The following SYNPO2 variants were observed in gnomAD, a reference collection of about 807,000 sequenced individuals.
SYNPO2 encodes synaptopodin 2.
In SYNPO2, 56 loss-of-function variants were observed where a neutral mutation model predicts 85.0. That is an observed-to-expected ratio of 0.66 (90% CI 0.53 to 0.82). SYNPO2 has a LOEUF of 0.82. Ranked by LOEUF, SYNPO2 falls within the 40% of genes least tolerant of loss-of-function variation. The probability of loss-of-function intolerance (pLI) is 0.00; values close to 1 mark genes in which losing one functional copy is unlikely to be tolerated. For synonymous variants in SYNPO2, 602 were observed against 591.1 expected, an observed-to-expected ratio of 1.02 and a Z score of -0.27; for missense variants, 1,575 against 1,534.2, an observed-to-expected ratio of 1.03 and a Z score of -0.44.
chr4:118,863,091 G>A (rs1055325362), intron 1 of SYNPO2, among the ~76,000 whole-genome samples: 3 of 152,220 alleles, frequency 2.0e-5, no homozygotes, highest in African/African-American at 7.2e-5. Flanking sequence ...TTATAGGCGT[G>A]AGCCCCTGCA....
upstream of SYNPO2, among the ~76,000 whole-genome samples, chr4:118,885,597 C>G (rs567100739): frequency 3.3e-5 from 5 of 151,944 alleles, no homozygotes; most frequent in Non-Finnish European, 7.4e-5. Flanking sequence ...CTCAGCCTCC[C>G]GAGTAGCTGG....
At chr4:118,938,031 G>A (rs921899527) in intron 1 of SYNPO2, among the ~76,000 whole-genome samples, 7 of 152,048 alleles carry the variant, frequency 4.6e-5, no homozygotes, top group African/African-American at 1.7e-4. Context: ...GGCCAGGCAC[G>A]GTGGCTCACA....
chr4:119,044,936 A>G (rs1291663563), intron 4 of SYNPO2, among the ~76,000 whole-genome samples: 2 of 152,198 alleles, frequency 1.3e-5, no homozygotes, highest in African/African-American at 4.8e-5. Context: ...CTCGCTTTGA[A>G]TTGTCAGAGA....
At chr4:118,861,713 G>A (rs28837152) in intron 1 of SYNPO2, among the ~76,000 whole-genome samples, 8,482 of 152,010 alleles carry the variant, frequency 0.056, 270 homozygotes, top group Non-Finnish European at 0.064. Flanking sequence ...GTCTATTTTT[G>A]TGCCAATACC....
intron 1 of SYNPO2, among the ~76,000 whole-genome samples, chr4:118,867,485 T>A (rs1465413445): frequency 6.6e-6 from 1 of 151,564 alleles, no homozygotes; most frequent in Non-Finnish European, 1.5e-5. Flanking sequence ...TTTTTTTCAG[T>A]CTTAGACTGC....
At chr4:118,905,428 TG>T (rs1732898765) in intron 1 of SYNPO2, among the ~76,000 whole-genome samples, 1 of 138,346 alleles carries the variant, frequency 7.2e-6, no homozygotes, top group Admixed American at 7.8e-5. Context: ...AAGTGGTACC[TG>T]ATGTGTGTGT....
chr4:118,880,984 T>C (rs995481453), intron 1 of SYNPO2, among the ~76,000 whole-genome samples: 1 of 151,804 alleles, frequency 6.6e-6, no homozygotes, highest in African/African-American at 2.4e-5. Context: ...TGGGCCCTAA[T>C]CCAATATGAC....
Position 119,057,799 on chromosome 4 carries a change from G to T in SYNPO2, c.3651G>T (p.Leu1217Phe). Residue 1217 changes from leucine (L) to phenylalanine (F), a missense_variant, in exon 5 of 5, where the codon TTG becomes TTT. Physicochemically the swap from Leu to Phe is conservative, Grantham distance 22. This residue lies in a region of SYNPO2 where 1,508 missense variants were observed against 1,446.8 expected (regional missense o/e 1.04). Coordinates refer to ENST00000307142, the MANE Select transcript of SYNPO2 (RefSeq NM_133477.3). ...CCACCTCCCAATATGGTTCACAGTT[G>T]CCATATGCATATTATAGGCAGGCTT... ...MSTTSQYGSQ[L>F]PYAYYRQASR... The T allele has an allele frequency of 6.2e-7, 1 of 1,614,006 alleles. No homozygotes were observed. The highest frequency in any genetic ancestry group is 8.5e-7 in the Non-Finnish European group (1 of 1,180,012).
rs561549383 is a variant in SYNPO2 at position 119,021,557 on chromosome 4, A to G, written c.106-1873A>G. 3.3e-5 allele frequency among the ~76,000 whole-genome samples: 5 copies of G among 152,322 alleles called. No homozygotes were observed. The South Asian group carries it at 1.0e-3, about 32-fold the overall frequency. The stretch of plus-strand genomic sequence containing the variant: ...TATGGTCATCATACATGGTTCATTG[A>G]GAACAATTGAACTCATAAAATGAAA... On this transcript the variant is annotated intron_variant, in intron 1 of 4. Transcript: ENST00000307142.
chr4:119,021,578 T>C (rs901409734), intron 1 of SYNPO2, among the ~76,000 whole-genome samples: 1 of 152,186 alleles, frequency 6.6e-6, no homozygotes, highest in Non-Finnish European at 1.5e-5. Flanking sequence ...ACTCATAAAA[T>C]GAAATCTAAG....
chr4:118,940,341 C>T (rs1378788347), intron 1 of SYNPO2, among the ~76,000 whole-genome samples: 1 of 152,060 alleles, frequency 6.6e-6, no homozygotes, highest in Non-Finnish European at 1.5e-5. Flanking sequence ...TGAGCATGTG[C>T]TCTTCTAGTT....
chr4:118,975,548 C>A (rs1193747221), intron 1 of SYNPO2, among the ~76,000 whole-genome samples: 2 of 152,150 alleles, frequency 1.3e-5, no homozygotes, highest in Admixed American at 1.3e-4. Context: ...AATTCAAGAG[C>A]AGGACTTTCA....
At position 119,030,539 on chromosome 4, in the gene SYNPO2, G is replaced by C; in HGVS notation, c.1764G>C (p.Thr588=). The change falls in exon 4 of 5, where the codon ACG becomes ACC. Residue 588 remains threonine, a synonymous_variant. Coordinates refer to ENST00000307142, the MANE Select transcript of SYNPO2 (RefSeq NM_133477.3). ...AGAGGATGGTCCCCATGAATAGAAC[G>C]GCCAAACCCTTCCCAGGGTCTGTGA... The part of the protein sequence containing the change: ...NIQRMVPMNR[T]AKPFPGSVNQ... The C allele has an allele frequency of 6.2e-7, 1 of 1,614,114 alleles. No homozygotes were observed. The highest frequency in any genetic ancestry group is 8.5e-7 in the Non-Finnish European group (1 of 1,180,034).
At chr4:118,949,473 G>A (rs1276786777) in intron 1 of SYNPO2, among the ~76,000 whole-genome samples, 2 of 152,022 alleles carry the variant, frequency 1.3e-5, no homozygotes, top group Non-Finnish European at 2.9e-5. Context: ...CAAGTGTGGT[G>A]GTTCACTCCT....
At chr4:119,035,856 G>C (rs553019958) in intron 4 of SYNPO2, 17 of 984,300 alleles carry the variant, frequency 1.7e-5, no homozygotes, top group Admixed American at 6.2e-5. Flanking sequence ...ACATTGAAAG[G>C]GGGTAGACTA....
intron 1 of SYNPO2, among the ~76,000 whole-genome samples, chr4:118,937,560 G>C (rs1734151052): frequency 6.6e-6 from 1 of 152,158 alleles, no homozygotes; most frequent in Non-Finnish European, 1.5e-5. Flanking sequence ...AGGAGAAGTG[G>C]CTTGGCCTAC....
chr4:118,948,328 C>G (rs1268150006), intron 1 of SYNPO2, among the ~76,000 whole-genome samples: 4 of 152,194 alleles, frequency 2.6e-5, no homozygotes, highest in Non-Finnish European at 5.9e-5. Context: ...GAAGCAGACA[C>G]TCAACAACCA....
At chr4:118,997,042 C>T (rs1736628865) in intron 1 of SYNPO2, among the ~76,000 whole-genome samples, 1 of 151,284 alleles carries the variant, frequency 6.6e-6, no homozygotes, top group Non-Finnish European at 1.5e-5. Context: ...AGATCGAGAC[C>T]ATCCCGGCTA....
At chr4:119,037,707 T>C (rs1258773658) in intron 4 of SYNPO2, 1 of 958,646 alleles carries the variant, frequency 1.0e-6, no homozygotes, top group African/African-American at 1.8e-5. Context: ...TACATAAGTT[T>C]TGATAATAGC....
Sources: gnomAD v4.1 joint callset for allele counts (sites outside exome capture counted in the v4.1 genomes callset) on GRCh38, gnomAD v4.1.1 for gene constraint, gnomAD v4.1.1 regional missense constraint, MANE v1.5 for transcripts, NCBI Gene and HGNC (gene_info 2026-07-23, HGNC 2026-07-21) for gene names.